Variants in EGFR observed in about 807,000 individuals in gnomAD.
EGFR encodes the protein avian erythroblastic leukemia viral (v-erb-b) oncogene homolog.
EGFR carries 58 observed loss-of-function variants against 143.0 expected under a neutral mutation model. The ratio of observed to expected loss-of-function variants is 0.41; its 90% CI spans 0.33 to 0.50. The LOEUF is 0.50. Among genes scored for constraint, EGFR ranks in the 20% least tolerant of loss-of-function variants. The probability of loss-of-function intolerance (pLI) is 0.39; values close to 1 mark genes in which losing one functional copy is unlikely to be tolerated. For synonymous variants in EGFR, 613 were observed against 594.4 expected (o/e 1.03, Z -0.45); for missense variants, 1,307 against 1,579.0 (o/e 0.83, Z 2.92).
chr7:55,044,549 T>C (rs760751902), intron 1 of EGFR, among the ~76,000 whole-genome samples: 13 of 152,220 alleles, frequency 8.5e-5, no homozygotes, highest in Non-Finnish European at 1.8e-4. Context: ...CATGCATTTG[T>C]GGTGCTTCGA....
In EGFR at chr7:55,177,191, A is replaced by C. The variant is rs937279698; in HGVS notation, c.2283+2371A>C. On this transcript the variant is annotated intron_variant, in intron 19 of 27. Coordinates refer to ENST00000275493, the MANE Select transcript of EGFR (RefSeq NM_005228.5). Reference sequence around the variant, plus strand: ...GCCTGTGGTTTGTGGTTTGTCCTGCAGCTCAGGCTGCCCAGGCCTCACCAG... The same window carrying C: ...GCCTGTGGTTTGTGGTTTGTCCTGCCGCTCAGGCTGCCCAGGCCTCACCAG... Among the ~76,000 whole-genome samples the C allele has an allele frequency of 2.9e-4, 44 of 152,074 alleles. 1 individual carries two copies. The highest frequency in any genetic ancestry group is 8.2e-4 in the African/African-American group (34 of 41,378).
intron 3 of EGFR, among the ~76,000 whole-genome samples, chr7:55,144,478 T>C (rs989110695): frequency 2.0e-5 from 3 of 152,116 alleles, no homozygotes; most frequent in African/African-American, 7.2e-5. Context: ...AGGGAGGCAG[T>C]GCTGGTAGGA....
chr7:55,098,217 G>A (rs1018918153), intron 1 of EGFR, among the ~76,000 whole-genome samples: 1 of 152,168 alleles, frequency 6.6e-6, no homozygotes, highest in Non-Finnish European at 1.5e-5. Context: ...GAAACTGAAA[G>A]CTCACTGATT....
chr7:55,209,826 A>G lies in EGFR; in HGVS notation c.*4209A>G, dbSNP rs1450903078. 2 of 152,270 alleles carry G rather than the reference A, an allele frequency of 1.3e-5. No homozygotes were observed. Among genetic ancestry groups the G allele is most frequent in the African/African-American group, 4.8e-5 (2 of 41,532 alleles). 9.4% of individuals were successfully genotyped at this position (152,270 alleles called of 1,614,324 possible). ...TATATTTTTAGAAACTCATTTTTCT[A>G]CTAAAACAAACACAGTTTACTTTAG... is the stretch of plus-strand genomic sequence containing the variant. On this transcript the variant is annotated 3_prime_UTR_variant, in exon 28 of 28. Transcript: ENST00000275493.
Position 55,189,166 on chromosome 7 carries a change from A to G in EGFR, c.2470-2553A>G, listed in dbSNP as rs372980332. On this transcript the variant is annotated intron_variant, in intron 20 of 27. Transcript: ENST00000275493. ...TATATATATATACACACATATGCAT[A>G]TATATAAAACCCCAAGCAGCCTCTG... Among the ~76,000 whole-genome samples the G allele has an allele frequency of 6.6e-5, 10 of 152,182 alleles. No individual in the cohort carries two copies. The East Asian group carries it at 1.9e-3, about 29-fold the overall frequency.
intron 1 of EGFR, among the ~76,000 whole-genome samples, chr7:55,085,497 T>C (rs17289260): frequency 6.6e-6 from 1 of 152,218 alleles, no homozygotes; most frequent in Non-Finnish European, 1.5e-5. Flanking sequence ...GTCCATGAGA[T>C]GAGGAGTGTT....
intron 1 of EGFR, among the ~76,000 whole-genome samples, chr7:55,033,408 G>T (rs1241529100): frequency 6.6e-6 from 1 of 152,158 alleles, no homozygotes; most frequent in African/African-American, 2.4e-5. Flanking sequence ...ATATGCCCTG[G>T]CCTTGAACTC....
chr7:55,045,741 A>G (rs1469598995), intron 1 of EGFR, among the ~76,000 whole-genome samples: 1 of 152,236 alleles, frequency 6.6e-6, no homozygotes, highest in Non-Finnish European at 1.5e-5. Flanking sequence ...TCCAGGAAGT[A>G]CTCAATAAAT....
intron 18 of EGFR, 149 bp from the exon 19 acceptor site, chr7:55,174,573 C>A: frequency 1.4e-6 from 1 of 721,610 alleles, no homozygotes; most frequent in East Asian, 2.6e-5. Context: ...TCACAGCCCC[C>A]AGCAATATCA....
chr7:55,121,080 G>A (rs1793172900), intron 1 of EGFR, among the ~76,000 whole-genome samples: 1 of 152,148 alleles, frequency 6.6e-6, no homozygotes, highest in South Asian at 2.1e-4. Flanking sequence ...CTAAATCCAA[G>A]TCTTACAACA....
At chr7:55,046,038 GTTTC>G (rs1788159135) in intron 1 of EGFR, among the ~76,000 whole-genome samples, 1 of 151,990 alleles carries the variant, frequency 6.6e-6, no homozygotes, top group Admixed American at 6.6e-5. Context: ...AATTTCTTCT[GTTTC>G]TTTCTACTTT....
In EGFR at chr7:55,208,572, A is replaced by G. The variant is rs1788165119; in HGVS notation, c.*2955A>G. ...TGCATCATCTCTAAGGAGCTCCTCTAATTACACCATGCCCGTCACCCCATG... is the reference window on the plus strand; with the variant it reads ...TGCATCATCTCTAAGGAGCTCCTCTGATTACACCATGCCCGTCACCCCATG... On this transcript the variant is annotated 3_prime_UTR_variant, in exon 28 of 28. Coordinates refer to ENST00000275493, the MANE Select transcript of EGFR (RefSeq NM_005228.5). The G allele has an allele frequency of 6.6e-6, 1 of 152,118 alleles. No homozygotes were observed. Among genetic ancestry groups the G allele is most frequent in the Admixed American group, 6.5e-5 (1 of 15,276 alleles). The allele number at this position is 152,118 out of a possible 1,614,324, so 9.4% of individuals were successfully genotyped here. A position where few individuals can be genotyped will look rare whatever the true frequency, so the allele number is the denominator to read the frequency against.
chr7:55,095,782 A>C (rs1406292578), intron 1 of EGFR, among the ~76,000 whole-genome samples: 4 of 151,744 alleles, frequency 2.6e-5, no homozygotes, highest in Non-Finnish European at 5.9e-5. Flanking sequence ...ACACACTCAC[A>C]GAGACACACA....
intron 16 of EGFR, among the ~76,000 whole-genome samples, chr7:55,172,248 A>G (rs775766775): frequency 1.3e-5 from 2 of 151,958 alleles, no homozygotes; most frequent in Non-Finnish European, 2.9e-5. Flanking sequence ...CGCCCTATGG[A>G]TATGCGCTCC....
At position 55,143,553 on chromosome 7, in the gene EGFR, G is replaced by A. The variant is rs2128927743; in HGVS notation, c.424+65G>A. 3 of 1,578,558 alleles carry A rather than the reference G, an allele frequency of 1.9e-6. No homozygotes were observed. The East Asian group carries it at 6.7e-5, about 35-fold the overall frequency. On this transcript the variant is annotated intron_variant, in intron 3 of 27. Transcript: ENST00000275493. ...CAGACAGCAGTTCCGATGGCTCCCA[G>A]CGAGCTTGTCACTCAATTCCACCTC... is the stretch of plus-strand genomic sequence containing the variant.
intron 10 of EGFR, 52 bp from the exon 11 acceptor site, chr7:55,157,609 CAA>C (rs1491129088): frequency 1.3e-5 from 20 of 1,494,172 alleles, no homozygotes; most frequent in Non-Finnish European, 1.8e-5. Flanking sequence ...ATGTCTCATA[CAA>C]AAAAGAAACT....
chr7:55,059,883 C>G (rs1434152877), intron 1 of EGFR, among the ~76,000 whole-genome samples: 2 of 152,042 alleles, frequency 1.3e-5, no homozygotes, highest in African/African-American at 4.8e-5. Context: ...TGAGCAGATA[C>G]TGGACATGTT....
chr7:55,033,185 C>G (rs1398330600), intron 1 of EGFR, among the ~76,000 whole-genome samples: 1 of 152,174 alleles, frequency 6.6e-6, no homozygotes, highest in East Asian at 1.9e-4. Context: ...TATTTACTCT[C>G]TATTTTGAGG....
chr7:55,036,430 G>A (rs951524672), intron 1 of EGFR, among the ~76,000 whole-genome samples: 3 of 152,096 alleles, frequency 2.0e-5, no homozygotes, highest in Admixed American at 6.6e-5. Flanking sequence ...CAGGTGTTCC[G>A]TGCTCAAATG....
Sources: allele counts gnomAD v4.1 joint callset (sites outside exome capture counted in the v4.1 genomes callset), GRCh38; gene constraint gnomAD v4.1.1; transcripts MANE v1.5; gene names NCBI Gene and HGNC (gene_info 2026-07-23, HGNC 2026-07-21).